Variants in PPP2R3B observed in about 807,000 individuals in gnomAD.
PPP2R3B encodes protein phosphatase 2 regulatory subunit B''beta.
PPP2R3B carries 68 observed loss-of-function variants against 72.9 expected under a neutral mutation model. That is an observed-to-expected ratio of 0.93 (90% confidence interval 0.77 to 1.14). PPP2R3B has a LOEUF of 1.14. Among genes scored for constraint, PPP2R3B ranks in the 50% most tolerant of loss-of-function variants. The pLI is 0.00. For synonymous variants in PPP2R3B, 466 were observed against 375.8 expected, an observed-to-expected ratio of 1.24 and a Z score of -2.78; for missense variants, 1,018 against 842.0, an observed-to-expected ratio of 1.21 and a Z score of -2.59.
rs1267324881 is a variant in PPP2R3B at position 386,867 on chromosome X, G to A, written c.-176C>T. The A allele has an allele frequency of 8.7e-6, 2 of 229,002 alleles. No individual in the cohort carries two copies. The highest frequency in any genetic ancestry group is 2.6e-4 in the East Asian group (2 of 7,822). 14.2% of individuals were successfully genotyped at this position (229,002 alleles called of 1,614,324 possible). ...CGGACTCGCGGGGCGCGGGGACCGA[G>A]GAGGGGGCGCGGTCCGGCCCGCGCT... On this transcript the variant is annotated 5_prime_UTR_variant, in exon 1 of 13. Coordinates refer to ENST00000390665, the MANE Select transcript of PPP2R3B (RefSeq NM_013239.5).
intron 12 of PPP2R3B, 84 bp downstream of exon 12, chrX:338,520 A>T (rs2070952446): frequency 8.7e-5 from 34 of 391,126 alleles, no homozygotes; most frequent in South Asian, 7.4e-4. Context: ...CTGCACACAC[A>T]CCCGTCCTCC....
chrX:349,932 C>G (rs1247646178), intron 2 of PPP2R3B, among the ~76,000 whole-genome samples: 1 of 152,122 alleles, frequency 6.6e-6, no homozygotes, highest in African/African-American at 2.4e-5. Context: ...AGAGTCCACG[C>G]GATCCCCACC....
chrX:364,686 C>G (rs1338375628), intron 1 of PPP2R3B, among the ~76,000 whole-genome samples: 13 of 82,576 alleles, frequency 1.6e-4, no homozygotes, highest in Non-Finnish European at 2.5e-4. Flanking sequence ...CCACTGCACT[C>G]CAGCCTGGGC....
At chrX:352,020 T>G (rs1324963615) in intron 2 of PPP2R3B, among the ~76,000 whole-genome samples, 4 of 152,072 alleles carry the variant, frequency 2.6e-5, no homozygotes, top group Non-Finnish European at 5.9e-5. Context: ...GTCTGGGGGA[T>G]GAGAACTGAG....
chrX:350,753 A>C (rs755799006), intron 2 of PPP2R3B, among the ~76,000 whole-genome samples: 1 of 152,330 alleles, frequency 6.6e-6, no homozygotes, highest in African/African-American at 2.4e-5. Context: ...TGCTGGGGGA[A>C]CTGGGACGCC....
intron 1 of PPP2R3B, among the ~76,000 whole-genome samples, chrX:361,819 C>T (rs989540346): frequency 5.9e-5 from 9 of 152,146 alleles, no homozygotes; most frequent in Non-Finnish European, 8.8e-5. Context: ...CTCTGGGTGG[C>T]GGCTCTGCGC....
intron 2 of PPP2R3B, 192 bp from the exon 3 acceptor site, chrX:347,885 G>A (rs2071256802): frequency 5.3e-6 from 3 of 566,498 alleles, no homozygotes; most frequent in Non-Finnish European, 9.2e-6. Context: ...AGTCATGAGA[G>A]CTGAGCGTGG....
intron 1 of PPP2R3B, among the ~76,000 whole-genome samples, chrX:363,264 C>CA (rs2071583464): frequency 6.6e-6 from 1 of 151,836 alleles, no homozygotes; most frequent in African/African-American, 2.4e-5. Flanking sequence ...CATGATCCCG[C>CA]AGTGCATCTC....
At chrX:346,476 G>T in intron 5 of PPP2R3B, 2 of 628,182 alleles carry the variant, frequency 3.2e-6, no homozygotes, top group South Asian at 2.0e-5. Flanking sequence ...GGAGCTACAC[G>T]GGCCCAGGAC....
Position 386,471 on chromosome X carries a change from G to T in PPP2R3B, c.221C>A (p.Pro74Gln). The T allele has an allele frequency of 7.8e-7, 1 of 1,285,894 alleles. No individual in the cohort carries two copies. The highest frequency in any genetic ancestry group is 3.0e-5 in the East Asian group (1 of 33,036). The allele number at this position is 1,285,894 out of a possible 1,614,324, so 79.7% of individuals were successfully genotyped here. A position where few individuals can be genotyped will look rare whatever the true frequency, so the allele number is the denominator to read the frequency against. Residue 74 changes from proline (P) to glutamine (Q), a missense_variant, in exon 1 of 13, where the codon CCG becomes CAG. Physicochemically the swap from Pro to Gln is moderately conservative, Grantham distance 76. Transcript: ENST00000390665. ...AAPRPSGLEP[P>Q]GTPGPGPALP... Reference sequence around the variant, plus strand: ...CGCAGGGCCCGGCCCGGGGGTTCCCGGGGGTTCGAGCCCGCTGGGCCGGGG... The same window carrying T: ...CGCAGGGCCCGGCCCGGGGGTTCCCTGGGGTTCGAGCCCGCTGGGCCGGGG...
chrX:367,509 T>C (rs1030926470), intron 1 of PPP2R3B, among the ~76,000 whole-genome samples: 7 of 152,106 alleles, frequency 4.6e-5, no homozygotes, highest in Non-Finnish European at 8.8e-5. Flanking sequence ...GCGATTCTCC[T>C]GCCTCAGCCT....
chrX:355,560 G>C (rs1436800571), intron 2 of PPP2R3B, among the ~76,000 whole-genome samples: 2 of 152,186 alleles, frequency 1.3e-5, no homozygotes, highest in African/African-American at 4.8e-5. Context: ...CCAGAAAGCC[G>C]GAAGTGGAAC....
intron 12 of PPP2R3B, chrX:334,914 T>TCC (rs2070848086): frequency 5.4e-6 from 1 of 184,110 alleles, no homozygotes; most frequent in Admixed American, 6.2e-5. Flanking sequence ...GCACAGAAGC[T>TCC]CCCAGTGGAG....
In PPP2R3B at chrX:339,026, G is replaced by A. The variant is rs1250885284; in HGVS notation, c.1352-130C>T. On this transcript the variant is annotated intron_variant, in intron 10 of 12. Coordinates refer to ENST00000390665, the MANE Select transcript of PPP2R3B (RefSeq NM_013239.5). The stretch of plus-strand genomic sequence containing the variant: ...GAAGCTCCGGGCTCTCACGCCACGT[G>A]TTTGACGTGAAAGGCGGACACGCGA... 8 of 788,840 alleles carry A rather than the reference G, an allele frequency of 1.0e-5. No homozygotes were observed. The South Asian group carries it at 1.2e-4, about 12-fold the overall frequency. The allele number at this position is 788,840 out of a possible 1,614,324, so 48.9% of individuals were successfully genotyped here.
intron 1 of PPP2R3B, among the ~76,000 whole-genome samples, chrX:383,869 CA>C (rs1192535215): frequency 1.7e-5 from 2 of 116,716 alleles, no homozygotes; most frequent in Non-Finnish European, 3.7e-5. Flanking sequence ...AAAAAAAAAC[CA>C]AAAAAACAAA....
intron 1 of PPP2R3B, among the ~76,000 whole-genome samples, chrX:370,778 T>C (rs1194691705): frequency 5.3e-5 from 8 of 152,152 alleles, no homozygotes; most frequent in Admixed American, 3.3e-4. Context: ...GAACGGCACG[T>C]GCCCTGGCGG....
chrX:350,523 A>G (rs2071307803), intron 2 of PPP2R3B, among the ~76,000 whole-genome samples: 1 of 150,222 alleles, frequency 6.7e-6, no homozygotes, highest in South Asian at 2.1e-4. Context: ...CATCAGTGAG[A>G]AAGAGGCCCG....
chrX:373,652 T>C, intron 1 of PPP2R3B: 1 of 268,142 alleles, frequency 3.7e-6, no homozygotes, highest in Non-Finnish European at 7.9e-6. Flanking sequence ...GCTCGCGGAG[T>C]CGCATGCCGC....
At chrX:341,459 AG>A in intron 8 of PPP2R3B, 63 bp from the exon 9 acceptor site, 1 of 1,563,308 alleles carries the variant, frequency 6.4e-7, no homozygotes, top group Non-Finnish European at 8.8e-7. Context: ...ACAGGAACGG[AG>A]CCCCTGTCCA....
Sources: allele counts gnomAD v4.1 joint callset (sites outside exome capture counted in the v4.1 genomes callset), GRCh38; gene constraint gnomAD v4.1.1; transcripts MANE v1.5; gene names NCBI Gene and HGNC (gene_info 2026-07-23, HGNC 2026-07-21).